The following DDX6 variants were observed in gnomAD, a reference collection of about 807,000 sequenced individuals.
DDX6 encodes DEAD-box helicase 6.
Under a neutral mutation model 60.6 loss-of-function variants are expected in DDX6, and 7 were observed. The observed-to-expected ratio is 0.12, with a 90% CI of 0.07 to 0.22. DDX6 has a LOEUF of 0.22. Ranked by LOEUF, DDX6 falls within the 10% of genes least tolerant of loss-of-function variation. The pLI is 1.00. For synonymous variants in DDX6, 207 were observed against 201.0 expected (o/e 1.03, Z -0.25); for missense variants, 270 against 589.9 (o/e 0.46, Z 5.62).
intron 2 of DDX6, 105 bp downstream of exon 2, chr11:118,785,947 A>T (rs1862059671): frequency 1.9e-6 from 2 of 1,046,342 alleles, no homozygotes; most frequent in Non-Finnish European, 2.7e-6. Context: ...CTCTATTTGG[A>T]ATCAAAATGG....
chr11:118,777,799 G>T (rs1477621623), intron 4 of DDX6, among the ~76,000 whole-genome samples: 1 of 147,968 alleles, frequency 6.8e-6, no homozygotes, highest in Non-Finnish European at 1.5e-5. Flanking sequence ...TGAGACACAA[G>T]AACTGCTTGA....
chr11:118,782,317 A>T (rs562021967), intron 2 of DDX6, among the ~76,000 whole-genome samples: 1 of 152,316 alleles, frequency 6.6e-6, no homozygotes, highest in East Asian at 1.9e-4. Flanking sequence ...GAAATGCTAG[A>T]AATCATGAAA....
chr11:118,758,982 A>AC, intron 8 of DDX6, 80 bp from the exon 9 acceptor site: 1 of 1,551,496 alleles, frequency 6.4e-7, no homozygotes, highest in Non-Finnish European at 8.7e-7. Flanking sequence ...TATACCCTAT[A>AC]CGTTTCTGTC....
rs1860660916 is a variant in DDX6, at chr11:118,749,139, G to A, written c.*2966C>T. The A allele has an allele frequency of 6.6e-6, 1 of 151,962 alleles. No individual in the cohort carries two copies. The highest frequency in any genetic ancestry group is 2.4e-5 in the African/African-American group (1 of 41,342). 9.4% of individuals were successfully genotyped at this position (151,962 alleles called of 1,614,324 possible). ...AAAAACATAGGCCTAGAGGTGGTAA[G>A]GTGTGTAACAGTCCATAGCCCATTA... On this transcript the variant is annotated 3_prime_UTR_variant, in exon 14 of 14. Coordinates refer to ENST00000534980, the MANE Select transcript of DDX6 (RefSeq NM_004397.6).
chr11:118,759,522 G>GAA (rs377479771), intron 8 of DDX6, among the ~76,000 whole-genome samples: 14 of 152,142 alleles, frequency 9.2e-5, no homozygotes, highest in African/African-American at 3.4e-4. Context: ...TCCTTAATTT[G>GAA]AAAATTCAAA....
In DDX6 at chr11:118,755,539, T is replaced by A. The variant is rs782656038; in HGVS notation, c.1175-36A>T. 7.4e-6 allele frequency: 9 copies of A among 1,212,966 alleles called. 1 individual carries two copies. In the Middle Eastern group the frequency reaches 1.7e-3, roughly 232 times the overall value. The allele number at this position is 1,212,966 out of a possible 1,614,324, so 75.1% of individuals were successfully genotyped here. A position where few individuals can be genotyped will look rare whatever the true frequency, so the allele number is the denominator to read the frequency against. Reference sequence around the variant, plus strand: ...AAAAGATAATTTTCATTTTTTCAATTTAGAAATGTCTCTCAGTACAATACT... The same window carrying A: ...AAAAGATAATTTTCATTTTTTCAATATAGAAATGTCTCTCAGTACAATACT... On this transcript the variant is annotated intron_variant, in intron 11 of 13. Transcript: ENST00000534980.
At chr11:118,755,569 C>T in intron 11 of DDX6, 66 bp from the exon 12 acceptor site, 2 of 863,164 alleles carry the variant, frequency 2.3e-6, no homozygotes, top group Non-Finnish European at 3.8e-6. Flanking sequence ...AATACTAACA[C>T]ATATTTCTAG....
rs386375042 is a variant in DDX6, at chr11:118,749,358, G to GAAAAAAAAAAAAAAAAA, written c.*2730_*2746dup. 1.1e-5 allele frequency: 1 copy of GAAAAAAAAAAAAAAAAA among 91,786 alleles called. No homozygotes were observed. The highest frequency in any genetic ancestry group is 2.0e-5 in the Non-Finnish European group (1 of 49,836). 5.7% of individuals were successfully genotyped at this position (91,786 alleles called of 1,614,324 possible). ...TTATTATGAGGGCCCAAAAAAGAAA[G>GAAAAAAAAAAAAAAAAA]AAAAAAAAAAAAAAAAAAAAAAAGA... is the stretch of plus-strand genomic sequence containing the variant. On this transcript the variant is annotated 3_prime_UTR_variant, in exon 14 of 14. Coordinates refer to ENST00000534980, the MANE Select transcript of DDX6 (RefSeq NM_004397.6).
In DDX6 at chr11:118,765,359, A is replaced by G; in HGVS notation, c.500-4T>C. On this transcript the variant is annotated splice_region_variant and splice_polypyrimidine_tract_variant and intron_variant, in intron 5 of 13. Coordinates refer to ENST00000534980, the MANE Select transcript of DDX6 (RefSeq NM_004397.6). ...CTAGTGGGAACAATCACCATTGCTG[A>G]AACAGTATCAAGGAATATATAAGAA... 6.2e-7 allele frequency: 1 copy of G among 1,613,888 alleles called. No individual in the cohort carries two copies. The highest frequency in any genetic ancestry group is 8.5e-7 in the Non-Finnish European group (1 of 1,179,830).
intron 2 of DDX6, among the ~76,000 whole-genome samples, 194 bp from the exon 3 acceptor site, chr11:118,781,378 G>T (rs1390606634): frequency 3.3e-5 from 5 of 152,106 alleles, no homozygotes; most frequent in African/African-American, 9.7e-5. Flanking sequence ...AAAAAATCAA[G>T]AACAGAAGGG....
chr11:118,771,050 A>C (rs575632837), intron 4 of DDX6, among the ~76,000 whole-genome samples: 1 of 152,210 alleles, frequency 6.6e-6, no homozygotes, highest in Admixed American at 6.5e-5. Flanking sequence ...GTGAACCATT[A>C]TTTCCAGTTG....
chr11:118,777,907 A>AAC (rs1267607205), intron 4 of DDX6, among the ~76,000 whole-genome samples: 4 of 151,126 alleles, frequency 2.6e-5, no homozygotes, highest in South Asian at 2.1e-4. Flanking sequence ...GAAAAAAAAA[A>AAC]AAAAAAACCA....
In DDX6 at chr11:118,785,522, T is replaced by A. The variant is rs181761873; in HGVS notation, c.200+530A>T. On this transcript the variant is annotated intron_variant, in intron 2 of 13. Transcript: ENST00000534980. ...CAACCAGCCAACTTTTTTTTTTTTT[T>A]AAAGTAAAAAAGCTAAGTTCCATAA... is the stretch of plus-strand genomic sequence containing the variant. Among the ~76,000 whole-genome samples the A allele has an allele frequency of 2.5e-3, 376 of 151,466 alleles. 3 individuals carry two copies. Among genetic ancestry groups the A allele is most frequent in the African/African-American group, 8.4e-3 (348 of 41,296 alleles).
intron 3 of DDX6, among the ~76,000 whole-genome samples, chr11:118,780,166 G>A (rs1861847804): frequency 7.3e-6 from 1 of 136,880 alleles, no homozygotes; most frequent in Non-Finnish European, 1.5e-5. Flanking sequence ...TCTGACTTTA[G>A]TACTTTACCT....
At position 118,791,101 on chromosome 11, in the gene DDX6, C is replaced by T. The variant is rs1449979482; in HGVS notation, c.-271G>A. The T allele has an allele frequency of 6.6e-6, 1 of 151,998 alleles. No individual in the cohort carries two copies. Among genetic ancestry groups the T allele is most frequent in the Non-Finnish European group, 1.5e-5 (1 of 68,054 alleles). 9.4% of individuals were successfully genotyped at this position (151,998 alleles called of 1,614,324 possible). A position where few individuals can be genotyped will look rare whatever the true frequency, so the allele number is the denominator to read the frequency against. On this transcript the variant is annotated 5_prime_UTR_variant, in exon 1 of 14. Transcript: ENST00000534980. ...TCCCCCGGCTGTCCAGCCCTACCTCCTCCGCTGCCCGCTCTCGTGGCGCCG... is the reference window on the plus strand; with the variant it reads ...TCCCCCGGCTGTCCAGCCCTACCTCTTCCGCTGCCCGCTCTCGTGGCGCCG...
chr11:118,783,662 C>T lies in DDX6; in HGVS notation c.200+2390G>A, dbSNP rs147165517. 5.4e-3 allele frequency among the ~76,000 whole-genome samples: 818 copies of T among 151,540 alleles called. 14 individuals carry two copies. Among genetic ancestry groups the T allele is most frequent in the Non-Finnish European group, 5.1e-3 (346 of 67,884 alleles). On this transcript the variant is annotated intron_variant, in intron 2 of 13. Transcript: ENST00000534980. ...ACTAAAAATACAAAAATTAGCCAGACGTGATGGTGGACACCTGTAATCCCA... is the reference window on the plus strand; with the variant it reads ...ACTAAAAATACAAAAATTAGCCAGATGTGATGGTGGACACCTGTAATCCCA...
At chr11:118,763,150 G>T in intron 7 of DDX6, 62 bp downstream of exon 7, 2 of 1,089,464 alleles carry the variant, frequency 1.8e-6, no homozygotes, top group Non-Finnish European at 2.6e-6. Context: ...TCATTCACTG[G>T]CAGTTATAAG....
At chr11:118,769,632 A>C (rs116685162) in intron 4 of DDX6, among the ~76,000 whole-genome samples, 3,196 of 152,136 alleles carry the variant, frequency 0.021, 111 homozygotes, top group African/African-American at 0.072. Context: ...AAAACAAACA[A>C]CAACAACAAA....
At chr11:118,764,846 TAC>T (rs1861299442) in intron 6 of DDX6, among the ~76,000 whole-genome samples, 2 of 65,592 alleles carry the variant, frequency 3.0e-5, no homozygotes, top group South Asian at 4.1e-4. Flanking sequence ...ACATTATATA[TAC>T]ATTTATAATT....
Sources: allele counts gnomAD v4.1 joint callset (sites outside exome capture counted in the v4.1 genomes callset), GRCh38; gene constraint gnomAD v4.1.1; transcripts MANE v1.5; gene names NCBI Gene and HGNC (gene_info 2026-07-23, HGNC 2026-07-21).